RNF13: variants seen among roughly 807,000 people sequenced by gnomAD.
RNF13 encodes the protein ring finger protein 13, also known as E3 ubiquitin-protein ligase RNF13.
Under a neutral mutation model 37.7 loss-of-function variants are expected in RNF13, and 19 were observed. The ratio of observed to expected loss-of-function variants is 0.50; its 90% CI spans 0.35 to 0.74. The LOEUF is 0.74. RNF13 is among the 30% of genes least tolerant of loss of function. The pLI is 0.01. For synonymous variants in RNF13, 144 were observed against 157.8 expected, an observed-to-expected ratio of 0.91 and a Z score of 0.65; for missense variants, 375 against 453.0, an observed-to-expected ratio of 0.83 and a Z score of 1.56.
chr3:149,946,380 T>C (rs762833621), intron 8 of RNF13, among the ~76,000 whole-genome samples: 7 of 152,220 alleles, frequency 4.6e-5, no homozygotes, highest in Non-Finnish European at 8.8e-5. Flanking sequence ...GAAGGATTAG[T>C]GTTAGTTCTT....
chr3:149,834,388 T>C (rs1576733097), intron 1 of RNF13, among the ~76,000 whole-genome samples: 1 of 152,206 alleles, frequency 6.6e-6, no homozygotes, highest in East Asian at 1.9e-4. Flanking sequence ...GGTGTAAAGA[T>C]AGACATATAG....
chr3:149,815,408 AT>A (rs1719337343), intron 1 of RNF13, among the ~76,000 whole-genome samples: 1 of 152,216 alleles, frequency 6.6e-6, no homozygotes, highest in African/African-American at 2.4e-5. Context: ...AAATAACAAT[AT>A]TTTTAAATCT....
intron 1 of RNF13, among the ~76,000 whole-genome samples, chr3:149,835,701 T>C (rs1408161070): frequency 3.3e-5 from 5 of 149,732 alleles, no homozygotes; most frequent in Admixed American, 2.7e-4. Context: ...GTACCACAAT[T>C]TCTTTATCCA....
chr3:149,833,917 C>T (rs547882174), intron 1 of RNF13, among the ~76,000 whole-genome samples: 156 of 152,266 alleles, frequency 1.0e-3, no homozygotes, highest in Non-Finnish European at 1.2e-3. Context: ...TAAATGAATT[C>T]AGCAAAGTTG....
At chr3:149,848,658 GT>G (rs1435238987) in intron 2 of RNF13, among the ~76,000 whole-genome samples, 1 of 152,122 alleles carries the variant, frequency 6.6e-6, no homozygotes, top group Non-Finnish European at 1.5e-5. Flanking sequence ...GAAAAATTAA[GT>G]TTTAGTTATG....
chr3:149,858,784 T>C (rs1723919618), intron 3 of RNF13, among the ~76,000 whole-genome samples: 2 of 152,252 alleles, frequency 1.3e-5, no homozygotes, highest in Non-Finnish European at 2.9e-5. Context: ...TTTCCCCTCA[T>C]CATTATTCAT....
At chr3:149,832,824 T>C (rs554025777) in intron 1 of RNF13, among the ~76,000 whole-genome samples, 2 of 152,024 alleles carry the variant, frequency 1.3e-5, no homozygotes, top group African/African-American at 2.4e-5. Context: ...CTCCCAACAC[T>C]GAATCATGAA....
intron 8 of RNF13, among the ~76,000 whole-genome samples, chr3:149,943,608 CAT>C (rs1022342402): frequency 6.6e-6 from 1 of 152,160 alleles, no homozygotes; most frequent in Non-Finnish European, 1.5e-5. Flanking sequence ...AATTTAGTGA[CAT>C]GTGTCCATCA....
At chr3:149,893,419 T>C (rs2108487856) in intron 4 of RNF13, among the ~76,000 whole-genome samples, 1 of 152,344 alleles carries the variant, frequency 6.6e-6, no homozygotes, top group South Asian at 2.1e-4. Flanking sequence ...AAATTGTGTC[T>C]TTGGCAACAG....
At chr3:149,834,180 A>G (rs1312093084) in intron 1 of RNF13, among the ~76,000 whole-genome samples, 1 of 152,242 alleles carries the variant, frequency 6.6e-6, no homozygotes, top group African/African-American at 2.4e-5. Context: ...AGATGTCAGT[A>G]CTACCCAAAG....
At chr3:149,938,960 A>G (rs1170997652) in intron 8 of RNF13, 3 of 424,426 alleles carry the variant, frequency 7.1e-6, no homozygotes, top group African/African-American at 2.1e-5. Flanking sequence ...TAAAATGGAA[A>G]ATTTTTAACA....
Position 149,871,942 on chromosome 3 carries a change from A to G in RNF13, c.196-87A>G, listed in dbSNP as rs149417123. Reference sequence around the variant, plus strand: ...ATACATCTAGCATAATGCAAAACACATGACAAATCGAAAAGATATTTGTAG... The same window carrying G: ...ATACATCTAGCATAATGCAAAACACGTGACAAATCGAAAAGATATTTGTAG... On this transcript the variant is annotated intron_variant, in intron 3 of 9. Transcript: ENST00000392894. The G allele has an allele frequency of 1.0e-4, 124 of 1,205,320 alleles. No individual in the cohort carries two copies. The African/African-American group carries it at 1.8e-3, about 18-fold the overall frequency. The allele number at this position is 1,205,320 out of a possible 1,614,324, so 74.7% of individuals were successfully genotyped here. A position where few individuals can be genotyped will look rare whatever the true frequency, so the allele number is the denominator to read the frequency against.
At chr3:149,849,352 G>T (rs1355577002) in intron 2 of RNF13, among the ~76,000 whole-genome samples, 1 of 151,964 alleles carries the variant, frequency 6.6e-6, no homozygotes, top group African/African-American at 2.4e-5. Context: ...AGAGAGAATT[G>T]GTTGCTGGGT....
intron 8 of RNF13, among the ~76,000 whole-genome samples, chr3:149,957,278 G>A (rs1721956886): frequency 6.6e-6 from 1 of 152,058 alleles, no homozygotes; most frequent in South Asian, 2.1e-4. Context: ...TATTTTAGTG[G>A]GGGAAAAACT....
intron 1 of RNF13, among the ~76,000 whole-genome samples, chr3:149,825,237 C>T (rs1474554687): frequency 6.6e-6 from 1 of 150,974 alleles, no homozygotes; most frequent in Non-Finnish European, 1.5e-5. Context: ...AGTGCAGTGG[C>T]ACATTCTCTG....
At chr3:149,834,545 A>G (rs948534304) in intron 1 of RNF13, among the ~76,000 whole-genome samples, 1 of 152,236 alleles carries the variant, frequency 6.6e-6, no homozygotes, top group Admixed American at 6.5e-5. Flanking sequence ...TATTGGAGGT[A>G]GGGTCTGATG....
intron 2 of RNF13, among the ~76,000 whole-genome samples, chr3:149,849,361 G>T (rs986840791): frequency 6.6e-6 from 1 of 151,848 alleles, no homozygotes; most frequent in Non-Finnish European, 1.5e-5. Context: ...TGGTTGCTGG[G>T]TAGTGATTAT....
intron 8 of RNF13, among the ~76,000 whole-genome samples, chr3:149,935,897 G>C (rs1238092393): frequency 6.6e-6 from 1 of 152,090 alleles, no homozygotes; most frequent in Non-Finnish European, 1.5e-5. Context: ...TTTTGTTCCA[G>C]ATTGAAGAAC....
intron 3 of RNF13, among the ~76,000 whole-genome samples, chr3:149,857,932 AG>A (rs2108405134): frequency 6.6e-6 from 1 of 152,260 alleles, no homozygotes; most frequent in South Asian, 2.1e-4. Context: ...GGTGGGGCCC[AG>A]TGGGAGGTGT....
Sources: gnomAD v4.1 joint callset for allele counts (sites outside exome capture counted in the v4.1 genomes callset) on GRCh38, gnomAD v4.1.1 for gene constraint, MANE v1.5 for transcripts, NCBI Gene and HGNC (gene_info 2026-07-23, HGNC 2026-07-21) for gene names.